Variants in NDUFB4 observed in about 807,000 individuals in gnomAD.
NDUFB4 encodes NADH:ubiquinone oxidoreductase subunit B4.
NDUFB4 carries 10 observed loss-of-function variants against 14.5 expected under a neutral mutation model. That is an observed-to-expected ratio of 0.69 (90% CI 0.43 to 1.17). NDUFB4 has a LOEUF of 1.17. Ranked by LOEUF, NDUFB4 falls within the 50% of genes most tolerant of loss-of-function variation. The pLI is 0.00. For synonymous variants in NDUFB4, 65 were observed against 63.4 expected, an observed-to-expected ratio of 1.03 and a Z score of -0.12; for missense variants, 165 against 161.1, an observed-to-expected ratio of 1.02 and a Z score of -0.13.
At chr3:120,601,693 G>A (rs1459789099) in intron 2 of NDUFB4, 2 of 1,026,912 alleles carry the variant, frequency 1.9e-6, no homozygotes, top group South Asian at 7.8e-5. Flanking sequence ...AAGTCAAGCT[G>A]ATCTTTGGCA....
At chr3:120,598,050 ATT>A (rs139670492) in intron 1 of NDUFB4, among the ~76,000 whole-genome samples, 8 of 142,866 alleles carry the variant, frequency 5.6e-5, no homozygotes, top group Non-Finnish European at 6.1e-5. Flanking sequence ...CTCTTGCCTA[ATT>A]TTTTTTTTTT....
In NDUFB4 at chr3:120,601,192, C is replaced by A; in HGVS notation, c.262C>A (p.Leu88Ile). ...TTTCAGACCCACTCCTAAAAACTCA[C>A]TCATGGGAGCTCTGTGTGGATTTGG... ...PNFRPTPKNS[L>I]MGALCGFGPL... Residue 88 changes from leucine (L) to isoleucine (I), a missense_variant, in exon 2 of 3, where the codon CTC becomes ATC. Transcript: ENST00000184266. 6.2e-7 allele frequency: 1 copy of A among 1,614,072 alleles called. No individual in the cohort carries two copies.
At chr3:120,601,388 C>A in intron 2 of NDUFB4, 131 bp downstream of exon 2, 1 of 1,505,742 alleles carries the variant, frequency 6.6e-7, no homozygotes, top group Non-Finnish European at 8.8e-7. Context: ...CCTTCCCTTC[C>A]TCTCTTCTTT....
At chr3:120,597,001 T>TTC (rs1939970952) in intron 1 of NDUFB4, among the ~76,000 whole-genome samples, 3 of 146,444 alleles carry the variant, frequency 2.0e-5, no homozygotes, top group Non-Finnish European at 4.5e-5. Flanking sequence ...ATATATTATA[T>TTC]TCTATATATA....
At chr3:120,600,136 T>TTTGAGACGG (rs1940033853) in intron 1 of NDUFB4, among the ~76,000 whole-genome samples, 3 of 144,930 alleles carry the variant, frequency 2.1e-5, no homozygotes, top group Non-Finnish European at 4.5e-5. Flanking sequence ...TTTTTTTTTT[T>TTTGAGACGG]AAACTTCTGA....
chr3:120,597,572 A>T (rs149651025), intron 1 of NDUFB4, among the ~76,000 whole-genome samples: 2 of 152,360 alleles, frequency 1.3e-5, no homozygotes, highest in African/African-American at 4.8e-5. Flanking sequence ...CTTTTTGAGT[A>T]CTATTTACAT....
chr3:120,601,741 C>T (rs1200467027), intron 2 of NDUFB4: 6 of 1,020,272 alleles, frequency 5.9e-6, no homozygotes, highest in Non-Finnish European at 7.0e-6. Flanking sequence ...CCCTGAGCTG[C>T]AGCCCCCAGG....
At chr3:120,600,400 G>C (rs1382630714) in intron 1 of NDUFB4, among the ~76,000 whole-genome samples, 1 of 152,058 alleles carries the variant, frequency 6.6e-6, no homozygotes, top group East Asian at 1.9e-4. Flanking sequence ...TTTGTGGGTA[G>C]ATTTGCTATT....
chr3:120,602,021 C>T (rs1940072607), intron 2 of NDUFB4, 187 bp from the exon 3 acceptor site: 1 of 1,339,642 alleles, frequency 7.5e-7, no homozygotes, highest in East Asian at 2.9e-5. Flanking sequence ...TGTTTCTTCG[C>T]ACACTCCCTG....
chr3:120,601,908 A>G (rs1411128648), intron 2 of NDUFB4: 4 of 1,102,542 alleles, frequency 3.6e-6, no homozygotes, highest in Non-Finnish European at 4.4e-6. Flanking sequence ...TTTGCTTTCA[A>G]TATATGGTTT....
At chr3:120,601,373 C>A in intron 2 of NDUFB4, 116 bp downstream of exon 2, 1 of 1,525,652 alleles carries the variant, frequency 6.6e-7, no homozygotes, top group South Asian at 1.3e-5. Flanking sequence ...TGGGGCTGTC[C>A]TCTGCCTTCC....
chr3:120,597,821 C>T lies in NDUFB4; in HGVS notation c.180+1282C>T, dbSNP rs564352750. On this transcript the variant is annotated intron_variant, in intron 1 of 2. Coordinates refer to ENST00000184266, the MANE Select transcript of NDUFB4 (RefSeq NM_004547.6). ...CAGAGAGACACATTTATTACAAACT[C>T]ACATGATTGGGTTTGATGTGTTAGT... Among the ~76,000 whole-genome samples the T allele has an allele frequency of 2.0e-5, 3 of 152,220 alleles. No homozygotes were observed. The South Asian group carries it at 6.2e-4, about 32-fold the overall frequency.
chr3:120,601,723 G>T, intron 2 of NDUFB4: 1 of 1,027,412 alleles, frequency 9.7e-7, no homozygotes, highest in South Asian at 3.9e-5. Context: ...TCCACATCTG[G>T]TACTAAACCC....
intron 1 of NDUFB4, among the ~76,000 whole-genome samples, chr3:120,598,943 G>A (rs1411249132): frequency 6.6e-6 from 1 of 152,122 alleles, no homozygotes; most frequent in Admixed American, 6.5e-5. Context: ...AATTGACTAT[G>A]GGGGAAAGGA....
At chr3:120,601,469 CATTT>C in intron 2 of NDUFB4, 8 of 1,398,428 alleles carry the variant, frequency 5.7e-6, no homozygotes, top group Non-Finnish European at 7.4e-6. Context: ...TTTGTTAGTT[CATTT>C]GTTTTTTAAA....
rs373490363 is a variant in NDUFB4, at chr3:120,596,561, C to G, written c.180+22C>G. The G allele has an allele frequency of 3.7e-6, 6 of 1,610,652 alleles. No individual in the cohort carries two copies. The Admixed American group carries it at 1.0e-4, about 27-fold the overall frequency. On this transcript the variant is annotated intron_variant, in intron 1 of 2. Transcript: ENST00000184266. Reference sequence around the variant, plus strand: ...CATCGTGAGTGTGGGGCCTCCCAGGCGGGAATAGGGCCCGAGTCCTGGGAG... The same window carrying G: ...CATCGTGAGTGTGGGGCCTCCCAGGGGGGAATAGGGCCCGAGTCCTGGGAG...
chr3:120,597,003 CTA>C (rs1010406521), intron 1 of NDUFB4, among the ~76,000 whole-genome samples: 1 of 143,044 alleles, frequency 7.0e-6, no homozygotes, highest in African/African-American at 2.6e-5. Context: ...ATATTATATT[CTA>C]TATATATGCA....
chr3:120,597,004 TATATATATG>T (rs1939971816), intron 1 of NDUFB4, among the ~76,000 whole-genome samples: 1 of 143,970 alleles, frequency 6.9e-6, no homozygotes, highest in Admixed American at 6.9e-5. Flanking sequence ...TATTATATTC[TATATATATG>T]CATATATATT....
chr3:120,596,716 G>A, intron 1 of NDUFB4, 177 bp downstream of exon 1: 2 of 675,184 alleles, frequency 3.0e-6, no homozygotes, highest in South Asian at 3.8e-5. Flanking sequence ...GAGAGGACCG[G>A]CTCTGGACTC....
Sources: gnomAD v4.1 joint callset for allele counts (sites outside exome capture counted in the v4.1 genomes callset) on GRCh38, gnomAD v4.1.1 for gene constraint, MANE v1.5 for transcripts, NCBI Gene and HGNC (gene_info 2026-07-23, HGNC 2026-07-21) for gene names.